UBR1: variants seen among roughly 807,000 people sequenced by gnomAD.
UBR1 encodes the protein E3 ubiquitin-protein ligase UBR1.
A neutral mutation model predicts 242.1 loss-of-function variants in UBR1; 102 were observed. That is an observed-to-expected ratio of 0.42 (90% CI 0.36 to 0.50). UBR1 has a LOEUF of 0.50. UBR1 is among the 20% of genes least tolerant of loss of function. The pLI, the probability that UBR1 is intolerant of heterozygous loss-of-function variation, is 0.01. For missense variants in UBR1, 1,772 were observed against 2,101.8 expected (o/e 0.84, Z 3.07); for synonymous variants, 675 against 684.8 (o/e 0.99, Z 0.22).
At chr15:43,065,867 C>G (rs1480935723) in intron 6 of UBR1, among the ~76,000 whole-genome samples, 1 of 152,066 alleles carries the variant, frequency 6.6e-6, no homozygotes, top group Non-Finnish European at 1.5e-5. Flanking sequence ...AGACTGGGTA[C>G]TAAACCTTCA....
In UBR1 at chr15:43,047,209, C is replaced by A. The variant is rs2141326351; in HGVS notation, c.1620G>T (p.Met540Ile). The A allele has an allele frequency of 6.2e-7, 1 of 1,614,164 alleles. No individual in the cohort carries two copies. Among genetic ancestry groups the A allele is most frequent in the East Asian group, 2.2e-5 (1 of 44,876 alleles). ...PDWEAAIAIQ[M>I]QLKNILLMFQ... ...ACATGAGTAAAATATTCTTCAATTG[C>A]ATCTGTATAGCAATGGCAGCCTCCC... Residue 540 changes from methionine (M) to isoleucine (I), a missense_variant, in exon 14 of 47, where the codon ATG (methionine) becomes ATT (isoleucine). Coordinates refer to ENST00000290650, the MANE Select transcript of UBR1 (RefSeq NM_174916.3).
intron 39 of UBR1, among the ~76,000 whole-genome samples, chr15:42,975,758 A>C (rs1368293657): frequency 6.6e-6 from 1 of 151,872 alleles, no homozygotes; most frequent in Non-Finnish European, 1.5e-5. Context: ...CCATGGCGTA[A>C]AGGCACTCTG....
At chr15:42,953,009 G>A (rs566471951) in intron 44 of UBR1, among the ~76,000 whole-genome samples, 4 of 151,088 alleles carry the variant, frequency 2.6e-5, no homozygotes, top group Admixed American at 2.0e-4. Flanking sequence ...CTGCAACCTC[G>A]GCCTCCCCGG....
intron 40 of UBR1, 142 bp from the exon 41 acceptor site, chr15:42,966,428 T>C (rs2032106918): frequency 3.2e-6 from 4 of 1,267,148 alleles, no homozygotes; most frequent in African/African-American, 1.5e-5. Flanking sequence ...TAAAACAAAA[T>C]ATAATCCCAG....
intron 1 of UBR1, among the ~76,000 whole-genome samples, chr15:43,094,990 ATC>A (rs1187893693): frequency 2.0e-5 from 3 of 152,194 alleles, no homozygotes; most frequent in Admixed American, 6.5e-5. Context: ...TCTCTTTTTC[ATC>A]TCTGTCATAA....
chr15:42,989,269 T>A (rs2032520419), intron 34 of UBR1, among the ~76,000 whole-genome samples: 1 of 152,160 alleles, frequency 6.6e-6, no homozygotes, highest in Non-Finnish European at 1.5e-5. Context: ...AGGTTCTAAT[T>A]AAAAACCAGA....
intron 15 of UBR1, among the ~76,000 whole-genome samples, chr15:43,040,534 C>A (rs1443519582): frequency 6.6e-6 from 1 of 152,152 alleles, no homozygotes; most frequent in Non-Finnish European, 1.5e-5. Flanking sequence ...AGGACATAGG[C>A]ATGGGCAAGG....
At chr15:42,994,457 T>C (rs994760110) in intron 33 of UBR1, among the ~76,000 whole-genome samples, 24 of 151,640 alleles carry the variant, frequency 1.6e-4, no homozygotes, top group Admixed American at 7.9e-4. Context: ...CAAACTTCTG[T>C]AGAACATATT....
intron 40 of UBR1, among the ~76,000 whole-genome samples, chr15:42,970,031 G>A (rs1239805923): frequency 6.6e-6 from 1 of 152,092 alleles, no homozygotes; most frequent in African/African-American, 2.4e-5. Flanking sequence ...AGCCCGTATA[G>A]CCAAGACAAT....
At chr15:42,958,701 T>A (rs893269708) in intron 43 of UBR1, among the ~76,000 whole-genome samples, 4 of 152,220 alleles carry the variant, frequency 2.6e-5, no homozygotes, top group Non-Finnish European at 5.9e-5. Flanking sequence ...ACTTAATACA[T>A]GCTTGCAAAT....
At chr15:43,103,337 C>T (rs2034260782) in intron 1 of UBR1, among the ~76,000 whole-genome samples, 1 of 152,172 alleles carries the variant, frequency 6.6e-6, no homozygotes, top group Admixed American at 6.5e-5. Context: ...GCACTCCAAC[C>T]TGGGTGACAA....
chr15:42,971,686 C>G (rs1160816279), intron 39 of UBR1, among the ~76,000 whole-genome samples: 1 of 152,060 alleles, frequency 6.6e-6, no homozygotes, highest in Non-Finnish European at 1.5e-5. Context: ...ATCATGAATT[C>G]ATACTGATTT....
intron 6 of UBR1, among the ~76,000 whole-genome samples, chr15:43,061,658 G>A (rs2033688943): frequency 6.6e-6 from 1 of 152,150 alleles, no homozygotes; most frequent in Non-Finnish European, 1.5e-5. Flanking sequence ...GGTATTTGCA[G>A]CAACCTGGGT....
intron 37 of UBR1, among the ~76,000 whole-genome samples, chr15:42,980,960 A>G (rs2032369022): frequency 6.6e-6 from 1 of 152,144 alleles, no homozygotes; most frequent in African/African-American, 2.4e-5. Flanking sequence ...CTTTACATAG[A>G]AAATAGCTCC....
intron 9 of UBR1, 21 bp from the exon 10 acceptor site, chr15:43,058,450 G>A (rs745605756): frequency 1.9e-6 from 3 of 1,585,804 alleles, no homozygotes; most frequent in South Asian, 2.3e-5. Flanking sequence ...TTTTGGGGAG[G>A]GTGGGGGAAT....
intron 1 of UBR1, among the ~76,000 whole-genome samples, chr15:43,104,918 A>G (rs1462978901): frequency 4.6e-5 from 7 of 152,100 alleles, no homozygotes; most frequent in Non-Finnish European, 7.4e-5. Context: ...GAGGCAGGAG[A>G]ATTCCTGAAC....
intron 1 of UBR1, among the ~76,000 whole-genome samples, chr15:43,104,855 A>T (rs750617562): frequency 6.6e-6 from 1 of 151,922 alleles, no homozygotes; most frequent in Admixed American, 6.6e-5. Flanking sequence ...AAAATAAAAA[A>T]AATTAGGCAA....
intron 6 of UBR1, among the ~76,000 whole-genome samples, chr15:43,063,718 C>CT (rs36113944): frequency 6.7e-6 from 1 of 149,548 alleles, no homozygotes. Context: ...GAATGCCTGC[C>CT]TTTTTTTTTT....
intron 15 of UBR1, among the ~76,000 whole-genome samples, chr15:43,039,570 G>T (rs2033388904): frequency 6.6e-6 from 1 of 152,192 alleles, no homozygotes; most frequent in Non-Finnish European, 1.5e-5. Context: ...AGCTTAAGGA[G>T]ATTTTGGGCT....
Sources: allele counts gnomAD v4.1 joint callset (sites outside exome capture counted in the v4.1 genomes callset), GRCh38; gene constraint gnomAD v4.1.1; transcripts MANE v1.5; gene names NCBI Gene and HGNC (gene_info 2026-07-23, HGNC 2026-07-21).